The following ARHGAP15 variants were observed in gnomAD, a reference collection of about 807,000 sequenced individuals.
ARHGAP15 encodes the protein rho GTPase-activating protein 15.
In ARHGAP15, 51 loss-of-function variants were observed where a neutral mutation model predicts 63.7. The ratio of observed to expected loss-of-function variants is 0.80; its 90% CI spans 0.64 to 1.01. ARHGAP15 has a LOEUF of 1.01. Among genes scored for constraint, ARHGAP15 ranks in the 50% least tolerant of loss-of-function variants. The pLI is 0.00. For missense variants in ARHGAP15, 560 were observed against 564.6 expected (o/e 0.99, Z 0.08); for synonymous variants, 191 against 193.8 (o/e 0.99, Z 0.12).
intron 5 of ARHGAP15, among the ~76,000 whole-genome samples, chr2:143,229,553 G>T (rs566038255): frequency 6.6e-6 from 1 of 152,268 alleles, no homozygotes; most frequent in African/African-American, 2.4e-5. Context: ...ACAGTGGGCA[G>T]GCAACATATC....
chr2:143,518,425 C>T (rs376856281), intron 9 of ARHGAP15, among the ~76,000 whole-genome samples: 1 of 152,212 alleles, frequency 6.6e-6, no homozygotes, highest in Non-Finnish European at 1.5e-5. Context: ...TGGAGACATG[C>T]TCTCTGAAAT....
At chr2:143,486,227 G>A (rs1692317917) in intron 8 of ARHGAP15, among the ~76,000 whole-genome samples, 1 of 152,036 alleles carries the variant, frequency 6.6e-6, no homozygotes, top group Admixed American at 6.6e-5. Flanking sequence ...GTTCAGTTAA[G>A]ATATATATCT....
chr2:143,554,341 C>T (rs1488895242), intron 10 of ARHGAP15, among the ~76,000 whole-genome samples: 1 of 152,116 alleles, frequency 6.6e-6, no homozygotes, highest in Non-Finnish European at 1.5e-5. Context: ...TGACTTTATT[C>T]ACCACTCATG....
intron 6 of ARHGAP15, among the ~76,000 whole-genome samples, chr2:143,350,754 G>T (rs538481057): frequency 2.5e-3 from 374 of 148,770 alleles, no homozygotes; most frequent in African/African-American, 8.7e-3. Context: ...CAGGAGAATG[G>T]CGTGAACCCA....
chr2:143,132,227 CA>C (rs1284828561), intron 1 of ARHGAP15, among the ~76,000 whole-genome samples: 2 of 152,098 alleles, frequency 1.3e-5, no homozygotes, highest in East Asian at 1.9e-4. Flanking sequence ...TTAGAGTGTG[CA>C]AAACTTCTTT....
At chr2:143,428,676 G>A (rs1481880475) in intron 6 of ARHGAP15, among the ~76,000 whole-genome samples, 2 of 152,094 alleles carry the variant, frequency 1.3e-5, no homozygotes, top group Non-Finnish European at 2.9e-5. Context: ...AAGGTATGTA[G>A]AAAGAGACAA....
At chr2:143,317,118 G>A (rs538233865) in intron 6 of ARHGAP15, among the ~76,000 whole-genome samples, 1 of 152,134 alleles carries the variant, frequency 6.6e-6, no homozygotes, top group South Asian at 2.1e-4. Flanking sequence ...GTAAGCAATT[G>A]TGTCATATTA....
chr2:143,686,728 G>T (rs1354877812), intron 12 of ARHGAP15, among the ~76,000 whole-genome samples: 1 of 152,088 alleles, frequency 6.6e-6, no homozygotes, highest in Non-Finnish European at 1.5e-5. Context: ...AAAGGAATCC[G>T]AAGACACTTC....
At chr2:143,264,339 C>T (rs1680887595) in intron 6 of ARHGAP15, among the ~76,000 whole-genome samples, 1 of 152,034 alleles carries the variant, frequency 6.6e-6, no homozygotes, top group African/African-American at 2.4e-5. Flanking sequence ...GATATTTTTG[C>T]TGTGGAAGGT....
At chr2:143,480,760 T>C (rs946800088) in intron 8 of ARHGAP15, 4 of 152,212 alleles carry the variant, frequency 2.6e-5, no homozygotes, top group East Asian at 3.8e-4. Context: ...TAGGGAGTTA[T>C]GTGCAAAGTT....
intron 11 of ARHGAP15, among the ~76,000 whole-genome samples, chr2:143,564,950 A>C (rs1445161354): frequency 6.6e-6 from 1 of 152,204 alleles, no homozygotes; most frequent in African/African-American, 2.4e-5. Flanking sequence ...ATTGCTGATA[A>C]TAGGAGCATT....
In ARHGAP15 at chr2:143,239,990, C is replaced by CAAAAAAAAAAAAAA. The variant is rs60960176; in HGVS notation, c.385-10503_385-10490dup. 1.9e-4 allele frequency among the ~76,000 whole-genome samples: 5 copies of CAAAAAAAAAAAAAA among 26,468 alleles called. 1 individual carries two copies. Among genetic ancestry groups the CAAAAAAAAAAAAAA allele is most frequent in the Non-Finnish European group, 2.8e-4 (4 of 14,450 alleles). The allele number at this position is 26,468 out of a possible 152,430, so 17.4% of individuals were successfully genotyped here. ...TGGGTGATAGAGTGAGACTCTGTCT[C>CAAAAAAAAAAAAAA]AAAAAAAAAAAAAAAAAAAAAAAAA... On this transcript the variant is annotated intron_variant, in intron 5 of 13. Transcript: ENST00000295095.
intron 13 of ARHGAP15, among the ~76,000 whole-genome samples, chr2:143,727,120 G>A (rs1574897890): frequency 6.6e-6 from 1 of 152,204 alleles, no homozygotes; most frequent in Non-Finnish European, 1.5e-5. Flanking sequence ...GTACTTGTAT[G>A]CAAAAGAGCC....
intron 6 of ARHGAP15, among the ~76,000 whole-genome samples, chr2:143,425,560 T>C (rs1186857063): frequency 2.0e-5 from 3 of 152,068 alleles, no homozygotes; most frequent in African/African-American, 7.2e-5. Flanking sequence ...GTTTTAGAAA[T>C]GTCAGATGCT....
At chr2:143,759,595 G>A (rs1299322427) in intron 13 of ARHGAP15, among the ~76,000 whole-genome samples, 6 of 152,010 alleles carry the variant, frequency 3.9e-5, no homozygotes, top group African/African-American at 1.4e-4. Context: ...AAGTCCCTCC[G>A]CAGCATTTCC....
chr2:143,245,859 G>A (rs1371278991), intron 5 of ARHGAP15, among the ~76,000 whole-genome samples: 1 of 152,158 alleles, frequency 6.6e-6, no homozygotes, highest in Non-Finnish European at 1.5e-5. Context: ...TTATGGTACT[G>A]ACAGGTCAGG....
intron 6 of ARHGAP15, among the ~76,000 whole-genome samples, chr2:143,385,113 A>G (rs1367207139): frequency 6.6e-6 from 1 of 152,132 alleles, no homozygotes; most frequent in Non-Finnish European, 1.5e-5. Context: ...AGGTTTTTAT[A>G]TAAACCACAG....
chr2:143,519,156 A>T, intron 9 of ARHGAP15, 110 bp from the exon 10 acceptor site: 2 of 785,130 alleles, frequency 2.5e-6, no homozygotes, highest in South Asian at 1.7e-5. Context: ...CAAAAAAAAA[A>T]TCTTATGCAA....
At chr2:143,384,305 T>G (rs1687177127) in intron 6 of ARHGAP15, among the ~76,000 whole-genome samples, 1 of 152,124 alleles carries the variant, frequency 6.6e-6, no homozygotes, top group Non-Finnish European at 1.5e-5. Context: ...TTTGCAAGAT[T>G]GGTCCACAAG....
Sources: allele counts gnomAD v4.1 joint callset (sites outside exome capture counted in the v4.1 genomes callset), GRCh38; gene constraint gnomAD v4.1.1; transcripts MANE v1.5; gene names NCBI Gene and HGNC (gene_info 2026-07-23, HGNC 2026-07-21).